Variants in RAI1 observed in about 807,000 individuals in gnomAD.
RAI1 encodes retinoic acid-induced protein 1.
In RAI1, 9 loss-of-function variants were observed where a neutral mutation model predicts 123.8. The observed-to-expected ratio is 0.07, with a 90% CI of 0.04 to 0.13. The LOEUF (loss-of-function observed/expected upper bound fraction) is 0.13. RAI1 is among the 10% of genes least tolerant of loss of function. The pLI, the probability that RAI1 is intolerant of heterozygous loss-of-function variation, is 1.00. For missense variants in RAI1, 2,256 were observed against 2,545.8 expected (o/e 0.89, Z 2.45); for synonymous variants, 1,231 against 1,127.3 (o/e 1.09, Z -1.84).
intron 2 of RAI1, among the ~76,000 whole-genome samples, chr17:17,738,016 GGGCAGGTGGCTTCACATGCT>G (rs1916493397): frequency 6.6e-6 from 1 of 152,160 alleles, no homozygotes; most frequent in East Asian, 1.9e-4. Flanking sequence ...CATCCCAGGG[GGGCAGGTGGCTTCACATGCT>G]GGTGGGTGGG....
chr17:17,780,277 G>C (rs1321793712), intron 2 of RAI1, among the ~76,000 whole-genome samples: 1 of 151,956 alleles, frequency 6.6e-6, no homozygotes, highest in Non-Finnish European at 1.5e-5. Flanking sequence ...TGTTTGCCAG[G>C]CTGGTCTCAA....
At chr17:17,744,266 A>G (rs1040254344) in intron 2 of RAI1, among the ~76,000 whole-genome samples, 5 of 152,130 alleles carry the variant, frequency 3.3e-5, no homozygotes, top group East Asian at 1.9e-4. Context: ...ACACCAGCCC[A>G]TCTGCCCTGG....
intron 4 of RAI1, among the ~76,000 whole-genome samples, chr17:17,805,151 G>GA (rs2032570870): frequency 6.6e-6 from 1 of 152,180 alleles, no homozygotes; most frequent in African/African-American, 2.4e-5. Flanking sequence ...GTGAGCCACT[G>GA]TGCCCGGCCC....
intron 1 of RAI1, among the ~76,000 whole-genome samples, chr17:17,698,180 C>T (rs994372851): frequency 4.6e-5 from 7 of 152,194 alleles, no homozygotes; most frequent in Admixed American, 1.3e-4. Context: ...TGCTCCTCCT[C>T]CCTGGACCTC....
chr17:17,755,824 C>T lies in RAI1; in HGVS notation c.-17+31665C>T, dbSNP rs554782626. 8.5e-5 allele frequency among the ~76,000 whole-genome samples: 13 copies of T among 152,336 alleles called. No individual in the cohort carries two copies. In the East Asian group the frequency reaches 1.7e-3, roughly 20 times the overall value. On this transcript the variant is annotated intron_variant, in intron 2 of 5. Transcript: ENST00000353383. ...CCCGGCCTACACCCTGTCAAGCCCG[C>T]CTTCTCTTCACCCCAAGGCCTGCCG...
At chr17:17,696,711 C>T (rs1455837227) in intron 1 of RAI1, among the ~76,000 whole-genome samples, 1 of 152,140 alleles carries the variant, frequency 6.6e-6, no homozygotes, top group Admixed American at 6.5e-5. Context: ...TGCTGGGGGC[C>T]CAGGAGGCTG....
intron 2 of RAI1, among the ~76,000 whole-genome samples, chr17:17,731,511 C>T (rs768990274): frequency 7.2e-5 from 11 of 152,230 alleles, no homozygotes; most frequent in South Asian, 4.1e-4. Context: ...AGGGTTTTAT[C>T]TTGAAGGCAG....
At position 17,795,840 on chromosome 17, in the gene RAI1, T is replaced by C; in HGVS notation, c.2892T>C (p.Asp964=). 6.2e-7 allele frequency: 1 copy of C among 1,613,340 alleles called. No individual in the cohort carries two copies. The highest frequency in any genetic ancestry group is 8.5e-7 in the Non-Finnish European group (1 of 1,180,000). ...CTGATGGGGAGCGAGCTCCAGGGGA[T>C]TCCACCACCTCGGACGCCTCTCTGG... ...EGPDGERAPG[D]STTSDASLAQ... The change falls in exon 3 of 6, where the codon GAT becomes GAC. Residue 964 remains aspartate, a synonymous_variant. Coordinates refer to ENST00000353383, the MANE Select transcript of RAI1 (RefSeq NM_030665.4). This position sits in a 1 kb window ranked among gnomAD's most constrained non-coding sequence, Gnocchi z 5.9.
intron 2 of RAI1, among the ~76,000 whole-genome samples, chr17:17,769,839 G>A (rs934613636): frequency 2.0e-5 from 3 of 152,182 alleles, no homozygotes; most frequent in East Asian, 1.9e-4. Context: ...CCTCACTCAG[G>A]ATGGCTGCAG....
At chr17:17,780,582 T>C (rs1183870269) in intron 2 of RAI1, among the ~76,000 whole-genome samples, 1 of 152,122 alleles carries the variant, frequency 6.6e-6, no homozygotes. Context: ...CCCCTTCTCT[T>C]CTCTGGAGCT....
intron 2 of RAI1, among the ~76,000 whole-genome samples, chr17:17,775,993 C>G (rs2031331087): frequency 6.6e-6 from 1 of 152,256 alleles, no homozygotes; most frequent in Admixed American, 6.5e-5. Flanking sequence ...TGCTGCGTCC[C>G]CCAAAGCTGT....
intron 2 of RAI1, among the ~76,000 whole-genome samples, chr17:17,791,067 G>T (rs1026653214): frequency 2.1e-4 from 32 of 152,256 alleles, no homozygotes; most frequent in Non-Finnish European, 4.7e-4. Flanking sequence ...AATCCAGGGA[G>T]AGGAGCTGGA....
Position 17,784,836 on chromosome 17 carries a change from C to T in RAI1, c.-16-8097C>T, listed in dbSNP as rs539256298. Among the ~76,000 whole-genome samples the T allele has an allele frequency of 2.6e-5, 4 of 152,260 alleles. No homozygotes were observed. In the South Asian group the frequency reaches 8.3e-4, roughly 32 times the overall value. On this transcript the variant is annotated intron_variant, in intron 2 of 5. Coordinates refer to ENST00000353383, the MANE Select transcript of RAI1 (RefSeq NM_030665.4). ...CTGCAGCAGCCGGGCCACTTGAGCT[C>T]GGGGAAGGCCCAGAGAATTTGGCAG...
At chr17:17,752,562 C>A (rs577612463) in intron 2 of RAI1, among the ~76,000 whole-genome samples, 2 of 152,342 alleles carry the variant, frequency 1.3e-5, no homozygotes, top group African/African-American at 4.8e-5. Context: ...CCCGGGCTTC[C>A]TGTCCGTAGT....
At chr17:17,757,622 C>T (rs1335197732) in intron 2 of RAI1, among the ~76,000 whole-genome samples, 1 of 152,024 alleles carries the variant, frequency 6.6e-6, no homozygotes, top group Non-Finnish European at 1.5e-5. Flanking sequence ...TTTTTTCCCA[C>T]AACTCAACAA....
chr17:17,806,911 G>A (rs1281469688), intron 4 of RAI1, among the ~76,000 whole-genome samples: 1 of 152,122 alleles, frequency 6.6e-6, no homozygotes, highest in African/African-American at 2.4e-5. Flanking sequence ...GGAGGGGACT[G>A]GGCTGCTCTG....
chr17:17,718,274 AT>A (rs1915771620), intron 1 of RAI1, among the ~76,000 whole-genome samples: 2 of 152,328 alleles, frequency 1.3e-5, no homozygotes, highest in South Asian at 4.1e-4. Flanking sequence ...CTGAGGGGAC[AT>A]TCAAATGTTT....
rs929854526 is a variant in RAI1, at chr17:17,734,765, C to G, written c.-17+10606C>G. On this transcript the variant is annotated intron_variant, in intron 2 of 5. Coordinates refer to ENST00000353383, the MANE Select transcript of RAI1 (RefSeq NM_030665.4). The stretch of plus-strand genomic sequence containing the variant: ...TGTCTGCGTGTGAGCTCCTTGGACA[C>G]ACACAGGGGCACATATCTGTGCTTG... Among the ~76,000 whole-genome samples, 9 of 152,234 alleles carry G rather than the reference C, an allele frequency of 5.9e-5. 1 individual carries two copies. Among genetic ancestry groups the G allele is most frequent in the African/African-American group, 2.2e-4 (9 of 41,454 alleles).
chr17:17,779,818 A>C lies in RAI1; in HGVS notation c.-16-13115A>C, dbSNP rs574582620. Among the ~76,000 whole-genome samples the C allele has an allele frequency of 3.2e-3, 432 of 136,144 alleles. 4 individuals carry two copies. Among genetic ancestry groups the C allele is most frequent in the African/African-American group, 0.011 (396 of 35,406 alleles). The allele number at this position is 136,144 out of a possible 152,430, so 89.3% of individuals were successfully genotyped here. A position where few individuals can be genotyped will look rare whatever the true frequency, so the allele number is the denominator to read the frequency against. ...AATAGACGGAGTCTCGCCCTTGCCC[A>C]GGCTGGAGTGCAGTGGCGCGATCTT... is the stretch of plus-strand genomic sequence containing the variant. On this transcript the variant is annotated intron_variant, in intron 2 of 5. Coordinates refer to ENST00000353383, the MANE Select transcript of RAI1 (RefSeq NM_030665.4).
Sources: allele counts gnomAD v4.1 joint callset (sites outside exome capture counted in the v4.1 genomes callset), GRCh38; gene constraint gnomAD v4.1.1; non-coding constraint Gnocchi (gnomAD v3.1); transcripts MANE v1.5; gene names NCBI Gene and HGNC (gene_info 2026-07-23, HGNC 2026-07-21).